CNTRL: variants seen among roughly 807,000 people sequenced by gnomAD.
CNTRL encodes centriolin.
Under a neutral mutation model 303.7 loss-of-function variants are expected in CNTRL, and 233 were observed. The ratio of observed to expected loss-of-function variants is 0.77; its 90% confidence interval spans 0.69 to 0.86. The LOEUF (loss-of-function observed/expected upper bound fraction) is 0.86. Among genes scored for constraint, CNTRL ranks in the 40% least tolerant of loss-of-function variants. CNTRL has a pLI of 0.00. For synonymous variants in CNTRL, 900 were observed against 922.2 expected, an observed-to-expected ratio of 0.98 and a Z score of 0.44; for missense variants, 2,524 against 2,650.6, an observed-to-expected ratio of 0.95 and a Z score of 1.05.
At chr9:121,113,751 T>C (rs916672062) in intron 10 of CNTRL, 27 bp downstream of exon 10, 1 of 1,328,044 alleles carries the variant, frequency 7.5e-7, no homozygotes, top group Admixed American at 3.0e-5. Flanking sequence ...TTAAATTCTT[T>C]AAAAAAAAAT....
In CNTRL at chr9:121,150,203, G is replaced by C; in HGVS notation, c.3683G>C (p.Ser1228Thr). 6.2e-7 allele frequency: 1 copy of C among 1,613,762 alleles called. No homozygotes were observed. Among genetic ancestry groups the C allele is most frequent in the Non-Finnish European group, 8.5e-7 (1 of 1,179,786 alleles). The change falls in exon 25 of 44, where the codon AGT (serine) becomes ACT (threonine). Residue 1228 changes from serine to threonine, a missense_variant. Physicochemically the swap from Ser to Thr is moderately conservative, Grantham distance 58. Coordinates refer to ENST00000373855, the MANE Select transcript of CNTRL (RefSeq NM_007018.6). ...ADSGGDSQEE[S>T]ELDDQEEPPF... Reference sequence around the variant, plus strand: ...AGTGGAGGAGATAGTCAGGAAGAGAGTGAGCTGGATGACCAAGAAGAACCC... The same window carrying C: ...AGTGGAGGAGATAGTCAGGAAGAGACTGAGCTGGATGACCAAGAAGAACCC...
Position 121,150,219 on chromosome 9 carries a change from A to G in CNTRL, c.3699A>G (p.Gln1233=), listed in dbSNP as rs776782236. 1.2e-6 allele frequency: 2 copies of G among 1,613,930 alleles called. No homozygotes were observed. Among genetic ancestry groups the G allele is most frequent in the Non-Finnish European group, 1.7e-6 (2 of 1,179,890 alleles). ...DSQEESELDD[Q]EEPPFVPPPG... is the part of the protein sequence containing the mutation. ...AGGAAGAGAGTGAGCTGGATGACCAAGAAGAACCCCCATTTGTGCCTCCTC... is the reference window on the plus strand; with the variant it reads ...AGGAAGAGAGTGAGCTGGATGACCAGGAAGAACCCCCATTTGTGCCTCCTC... The change falls in exon 25 of 44, where the codon CAA becomes CAG. Residue 1233 remains glutamine, a synonymous_variant. Transcript: ENST00000373855.
intron 7 of CNTRL, among the ~76,000 whole-genome samples, chr9:121,101,132 T>C (rs1027643974): frequency 1.3e-5 from 2 of 152,196 alleles, no homozygotes; most frequent in African/African-American, 4.8e-5. Context: ...TATTCCAAAA[T>C]TGACCACATA....
rs1040526368 is a variant in CNTRL at position 121,122,462 on chromosome 9, A to G, written c.1651-1469A>G. Reference sequence around the variant, plus strand: ...ACATAAAATTGAGTAATATTCTTTTATAATCACATGGGTCTTAGACTTGAG... The same window carrying G: ...ACATAAAATTGAGTAATATTCTTTTGTAATCACATGGGTCTTAGACTTGAG... On this transcript the variant is annotated intron_variant, in intron 12 of 43. Coordinates refer to ENST00000373855, the MANE Select transcript of CNTRL (RefSeq NM_007018.6). 6 of 882,596 alleles carry G rather than the reference A, an allele frequency of 6.8e-6. No homozygotes were observed. In the Admixed American group the frequency reaches 3.7e-4, roughly 55 times the overall value. The allele number at this position is 882,596 out of a possible 1,614,324, so 54.7% of individuals were successfully genotyped here. A position where few individuals can be genotyped will look rare whatever the true frequency, so the allele number is the denominator to read the frequency against.
rs372529145 is a variant in CNTRL, at chr9:121,150,461, A to C, written c.3941A>C (p.Asn1314Thr). 2 of 1,614,194 alleles carry C rather than the reference A, an allele frequency of 1.2e-6. No individual in the cohort carries two copies. The highest frequency in any genetic ancestry group is 3.3e-5 in the Admixed American group (2 of 60,030). ...ATCCCTATGGGTGTGCTGCATTGCA[A>C]CGTCCCTGAACACCATAACTTAGTA... is the stretch of plus-strand genomic sequence containing the variant. ...PFIPMGVLHCNVPEHHNLENE... is the reference protein window; with the variant it reads ...PFIPMGVLHCTVPEHHNLENE... Residue 1314 changes from asparagine to threonine, a missense_variant, in exon 25 of 44, where the codon AAC becomes ACC. By Grantham distance (65) the Asn-to-Thr change is moderately conservative. Transcript: ENST00000373855.
At chr9:121,101,595 A>G (rs542782272) in intron 7 of CNTRL, among the ~76,000 whole-genome samples, 2 of 152,348 alleles carry the variant, frequency 1.3e-5, no homozygotes, top group East Asian at 1.9e-4. Context: ...CCCTTCAAAA[A>G]AATCAGTGAA....
At chr9:121,091,582 C>T (rs2048572913) in intron 4 of CNTRL, among the ~76,000 whole-genome samples, 1 of 152,154 alleles carries the variant, frequency 6.6e-6, no homozygotes, top group Non-Finnish European at 1.5e-5. Context: ...GTGGCTCACA[C>T]CTGTAATCCC....
chr9:121,173,651 A>C (rs752967288), intron 41 of CNTRL, 24 bp from the exon 42 acceptor site: 6 of 1,613,426 alleles, frequency 3.7e-6, no homozygotes, highest in African/African-American at 2.7e-5. Flanking sequence ...GATTCATGAT[A>C]TCTCTATTTT....
intron 42 of CNTRL, among the ~76,000 whole-genome samples, chr9:121,174,596 A>G (rs975461754): frequency 1.3e-5 from 2 of 152,206 alleles, no homozygotes; most frequent in African/African-American, 4.8e-5. Context: ...AGTAGTATGA[A>G]GTTGAGGATT....
chr9:121,139,311 C>T (rs973896372), intron 16 of CNTRL, among the ~76,000 whole-genome samples: 49 of 152,142 alleles, frequency 3.2e-4, no homozygotes, highest in African/African-American at 1.2e-3. Flanking sequence ...TGAATCATCA[C>T]TCAGTTCTCC....
Position 121,113,714 on chromosome 9 carries a change from A to T in CNTRL, c.1335A>T (p.Lys445Asn). The change falls in exon 10 of 44, where the codon AAA (lysine) becomes AAT (asparagine). Residue 445 changes from lysine (K) to asparagine (N), a missense_variant. Lys to Asn is a moderately conservative substitution (Grantham distance 94). Transcript: ENST00000373855. ...LDTQLEDKEK[K>N]ISAAQTRLSE... is the part of the protein sequence containing the mutation. ...CGCAACTGGAAGACAAAGAAAAAAA[A>T]ATAAGTGCAGGTTAAAAAAAGTTAT... 2 of 1,534,350 alleles carry T rather than the reference A, an allele frequency of 1.3e-6. No individual in the cohort carries two copies. Among genetic ancestry groups the T allele is most frequent in the Non-Finnish European group, 1.7e-6 (2 of 1,147,854 alleles).
chr9:121,145,417 G>A, intron 22 of CNTRL, 32 bp downstream of exon 22: 1 of 1,555,984 alleles, frequency 6.4e-7, no homozygotes, highest in Non-Finnish European at 8.7e-7. Flanking sequence ...TTTGGCAGTG[G>A]TTTTGTAGTC....
At chr9:121,095,133 A>G (rs1453416609) in intron 5 of CNTRL, 115 bp downstream of exon 5, 4 of 763,278 alleles carry the variant, frequency 5.2e-6, no homozygotes, top group Non-Finnish European at 8.1e-6. Context: ...AGATATTTTT[A>G]TCTTTATTCA....
In CNTRL at chr9:121,162,343, A is replaced by T. The variant is rs2052892193; in HGVS notation, c.5423+72A>T. On this transcript the variant is annotated intron_variant, in intron 34 of 43. Transcript: ENST00000373855. ...AAGCATTATAAACACACTATAAAAA[A>T]TTTGGAAAATAGAGAAAAAGATAAA... 13 of 1,344,488 alleles carry T rather than the reference A, an allele frequency of 9.7e-6. 1 individual carries two copies. The East Asian group carries it at 3.0e-4, about 31-fold the overall frequency. 83.3% of individuals were successfully genotyped at this position (1,344,488 alleles called of 1,614,324 possible).
At chr9:121,112,412 T>C (rs768708573) in intron 8 of CNTRL, 47 bp from the exon 9 acceptor site, 1 of 1,584,630 alleles carries the variant, frequency 6.3e-7, no homozygotes, top group South Asian at 1.1e-5. Flanking sequence ...ACCTTTATAC[T>C]AACTTACTGA....
Position 121,177,314 on chromosome 9 carries a change from GTTTAC to G in CNTRL, c.*132_*136del. On this transcript the variant is annotated 3_prime_UTR_variant, in exon 44 of 44. Coordinates refer to ENST00000373855, the MANE Select transcript of CNTRL (RefSeq NM_007018.6). ...ACTGAGATTCTGAAACTCCACTGTAGTTTACTTTGCCTGTACCATTAATGCCAATG... is the reference window on the plus strand; with the variant it reads ...ACTGAGATTCTGAAACTCCACTGTAGTTTGCCTGTACCATTAATGCCAATG... The G allele has an allele frequency of 1.3e-6, 1 of 781,088 alleles. No homozygotes were observed. Among genetic ancestry groups the G allele is most frequent in the Non-Finnish European group, 2.2e-6 (1 of 464,394 alleles). The allele number at this position is 781,088 out of a possible 1,614,324, so 48.4% of individuals were successfully genotyped here.
At chr9:121,148,920 G>A in intron 24 of CNTRL, 59 bp downstream of exon 24, 1 of 1,481,140 alleles carries the variant, frequency 6.8e-7, no homozygotes, top group Non-Finnish European at 9.3e-7. Flanking sequence ...ACCTTTTACT[G>A]ATTCTCTGAA....
chr9:121,134,175 A>G (rs963669435), intron 14 of CNTRL, among the ~76,000 whole-genome samples: 2 of 152,212 alleles, frequency 1.3e-5, no homozygotes, highest in African/African-American at 2.4e-5. Flanking sequence ...TGTAGATATC[A>G]TAACATCATC....
At position 121,132,363 on chromosome 9, in the gene CNTRL, T is replaced by G. The variant is rs554443776; in HGVS notation, c.2026-3443T>G. Among the ~76,000 whole-genome samples, 4 of 152,182 alleles carry G rather than the reference T, an allele frequency of 2.6e-5. No homozygotes were observed. The East Asian group carries it at 7.7e-4, about 29-fold the overall frequency. ...TCTTTTTTCTCTAAACTTCTCTTCT[T>G]GCTTTATTTCGTTAATTTGATCTTC... On this transcript the variant is annotated intron_variant, in intron 14 of 43. Transcript: ENST00000373855.
Sources: gnomAD v4.1 joint callset for allele counts (sites outside exome capture counted in the v4.1 genomes callset) on GRCh38, gnomAD v4.1.1 for gene constraint, MANE v1.5 for transcripts, NCBI Gene and HGNC (gene_info 2026-07-23, HGNC 2026-07-21) for gene names.